The following DLGAP2 variants were observed in gnomAD, a reference collection of about 807,000 sequenced individuals.
DLGAP2 encodes disks large-associated protein 2.
In DLGAP2, 26 loss-of-function variants were observed where a neutral mutation model predicts 100.3. That is an observed-to-expected ratio of 0.26 (90% CI 0.19 to 0.36). DLGAP2 has a LOEUF of 0.36. Among genes scored for constraint, DLGAP2 ranks in the 10% least tolerant of loss-of-function variants. DLGAP2 has a pLI of 1.00. For synonymous variants in DLGAP2, 886 were observed against 630.1 expected, an observed-to-expected ratio of 1.41 and a Z score of -6.08; for missense variants, 1,858 against 1,453.2, an observed-to-expected ratio of 1.28 and a Z score of -4.53.
intron 3 of DLGAP2, among the ~76,000 whole-genome samples, chr8:1,411,489 C>T (rs150453072): frequency 3.3e-5 from 5 of 152,214 alleles, no homozygotes; most frequent in Admixed American, 6.5e-5. Flanking sequence ...TGCTTGCCTC[C>T]GGCTCCCTAG....
Position 1,247,166 on chromosome 8 carries a change from G to T in DLGAP2, c.74-11685G>T, listed in dbSNP as rs1378978713. The T allele has an allele frequency of 5.7e-5, 9 of 158,240 alleles. No homozygotes were observed. The Admixed American group carries it at 6.1e-4, about 11-fold the overall frequency. The allele number at this position is 158,240 out of a possible 1,614,324, so 9.8% of individuals were successfully genotyped here. A position where few individuals can be genotyped will look rare whatever the true frequency, so the allele number is the denominator to read the frequency against. On this transcript the variant is annotated intron_variant, in intron 2 of 14. Coordinates refer to ENST00000637795, the MANE Select transcript of DLGAP2 (RefSeq NM_001346810.2). ...GGCCGGGAAGACCTTTGAGATCAGT[G>T]TGGGAGTGATGGCCCACGTCGGTGG...
chr8:1,180,072 A>C (rs976985276), intron 2 of DLGAP2, among the ~76,000 whole-genome samples: 1 of 152,252 alleles, frequency 6.6e-6, no homozygotes, highest in Admixed American at 6.5e-5. Flanking sequence ...TTGAATGTTC[A>C]TGTTGTATCA....
intron 2 of DLGAP2, among the ~76,000 whole-genome samples, chr8:1,230,999 T>C (rs1056982083): frequency 2.0e-5 from 3 of 152,108 alleles, no homozygotes; most frequent in African/African-American, 7.2e-5. Context: ...AAAACATAAA[T>C]TGACAAGTGG....
At chr8:805,002 C>T (rs1408879474) in intron 1 of DLGAP2, among the ~76,000 whole-genome samples, 1 of 152,154 alleles carries the variant, frequency 6.6e-6, no homozygotes, top group Non-Finnish European at 1.5e-5. Context: ...GATTCCCAGG[C>T]TCAAGTGATT....
At chr8:1,040,045 C>CTCGGTGTGCATGGTT (rs1802280615) in intron 2 of DLGAP2, among the ~76,000 whole-genome samples, 2 of 144,484 alleles carry the variant, frequency 1.4e-5, no homozygotes, top group African/African-American at 2.6e-5. Flanking sequence ...TGTGCATGGT[C>CTCGGTGTGCATGGTT]GGCTCGGTGT....
intron 4 of DLGAP2, among the ~76,000 whole-genome samples, chr8:1,546,046 T>G (rs1234199607): frequency 1.3e-5 from 2 of 152,244 alleles, no homozygotes; most frequent in Non-Finnish European, 2.9e-5. Context: ...ATTTAGCAGT[T>G]GAATATTGAA....
At chr8:750,479 A>G (rs1820762895) in intron 1 of DLGAP2, among the ~76,000 whole-genome samples, 1 of 152,274 alleles carries the variant, frequency 6.6e-6, no homozygotes, top group Non-Finnish European at 1.5e-5. Flanking sequence ...TCCTGAGTGC[A>G]TAAAAATTGA....
rs369917011 is a variant in DLGAP2, at chr8:1,547,124, G to A, written c.173-1502G>A. Among the ~76,000 whole-genome samples the A allele has an allele frequency of 7.2e-5, 11 of 152,240 alleles. 1 individual carries two copies. Among genetic ancestry groups the A allele is most frequent in the South Asian group, 4.1e-4 (2 of 4,826 alleles). On this transcript the variant is annotated intron_variant, in intron 4 of 14. Coordinates refer to ENST00000637795, the MANE Select transcript of DLGAP2 (RefSeq NM_001346810.2). ...GCGACATCTACAAATGACGGCAGCC[G>A]GGTGTGCTTAAGGCTCAGCAGACTC...
chr8:966,742 A>G (rs1255599321), intron 2 of DLGAP2, among the ~76,000 whole-genome samples: 2 of 152,232 alleles, frequency 1.3e-5, no homozygotes, highest in East Asian at 1.9e-4. Context: ...AAGCAAATGG[A>G]CTGAGAGTGA....
At chr8:953,226 G>A (rs543958686) in intron 2 of DLGAP2, among the ~76,000 whole-genome samples, 15 of 151,440 alleles carry the variant, frequency 9.9e-5, no homozygotes, top group Admixed American at 2.0e-4. Context: ...ATGGAGTTTC[G>A]CTCCATTGCC....
At chr8:1,546,056 A>G (rs1210397141) in intron 4 of DLGAP2, among the ~76,000 whole-genome samples, 1 of 152,222 alleles carries the variant, frequency 6.6e-6, no homozygotes. Context: ...TGAATATTGA[A>G]TTTCATTTGA....
At chr8:1,288,105 G>GTA (rs1799981606) in intron 3 of DLGAP2, among the ~76,000 whole-genome samples, 1 of 146,724 alleles carries the variant, frequency 6.8e-6, no homozygotes, top group Non-Finnish European at 1.5e-5. Context: ...GTGTGCGTGT[G>GTA]TGGTTCTGTT....
chr8:1,292,044 A>G (rs1233279188), intron 3 of DLGAP2, among the ~76,000 whole-genome samples: 2 of 152,272 alleles, frequency 1.3e-5, no homozygotes, highest in Non-Finnish European at 2.9e-5. Context: ...TGTGACATCA[A>G]TAGGGAAGAT....
chr8:1,695,919 GCTC>G (rs576740144), intron 13 of DLGAP2, among the ~76,000 whole-genome samples: 16 of 152,372 alleles, frequency 1.1e-4, no homozygotes, highest in Admixed American at 6.5e-4. Flanking sequence ...CTCCTGGGGA[GCTC>G]CTCAAGTGCC....
At chr8:1,231,337 A>G (rs543569606) in intron 2 of DLGAP2, among the ~76,000 whole-genome samples, 1 of 152,332 alleles carries the variant, frequency 6.6e-6, no homozygotes, top group East Asian at 1.9e-4. Flanking sequence ...TCGAAAAACA[A>G]CAGATGCTGG....
rs113213522 is a variant in DLGAP2, at chr8:1,272,780, G to A, written c.106+13897G>A. ...TGACTCTTCCCATCATGCAACAGAC[G>A]GCTCTCTAGAGCTGTCAAAGAAGGT... On this transcript the variant is annotated intron_variant, in intron 3 of 14. Coordinates refer to ENST00000637795, the MANE Select transcript of DLGAP2 (RefSeq NM_001346810.2). 5.1e-3 allele frequency among the ~76,000 whole-genome samples: 780 copies of A among 152,180 alleles called. 4 individuals carry two copies. The highest frequency in any genetic ancestry group is 0.018 in the African/African-American group (734 of 41,516).
chr8:1,322,298 C>T (rs539849810), intron 3 of DLGAP2, among the ~76,000 whole-genome samples: 1 of 152,336 alleles, frequency 6.6e-6, no homozygotes, highest in East Asian at 1.9e-4. Flanking sequence ...ACTGAAAAAA[C>T]TTCGAAATCT....
At chr8:855,444 C>T (rs1324848937) in intron 1 of DLGAP2, among the ~76,000 whole-genome samples, 1 of 152,004 alleles carries the variant, frequency 6.6e-6, no homozygotes, top group Non-Finnish European at 1.5e-5. Context: ...GAGGAGTGAC[C>T]AGAGAGGCAG....
intron 2 of DLGAP2, among the ~76,000 whole-genome samples, chr8:1,199,141 C>T (rs1198628569): frequency 2.6e-5 from 4 of 152,230 alleles, no homozygotes; most frequent in Non-Finnish European, 5.9e-5. Flanking sequence ...ACAACAACCG[C>T]AGCAACAGTC....
Sources: gnomAD v4.1 joint callset for allele counts (sites outside exome capture counted in the v4.1 genomes callset) on GRCh38, gnomAD v4.1.1 for gene constraint, MANE v1.5 for transcripts, NCBI Gene and HGNC (gene_info 2026-07-23, HGNC 2026-07-21) for gene names.